ACOX1: variants seen among roughly 807,000 people sequenced by gnomAD.
ACOX1 encodes acyl-CoA oxidase 1.
In ACOX1, 41 loss-of-function variants were observed where a neutral mutation model predicts 75.5. That is an observed-to-expected ratio of 0.54 (90% CI 0.42 to 0.70). The LOEUF is 0.70. Among genes scored for constraint, ACOX1 ranks in the 30% least tolerant of loss-of-function variants. The probability of loss-of-function intolerance (pLI) is 0.00; values close to 1 mark genes in which losing one functional copy is unlikely to be tolerated. For missense variants in ACOX1, 630 were observed against 837.5 expected (o/e 0.75, Z 3.06); for synonymous variants, 303 against 298.8 (o/e 1.01, Z -0.15).
At chr17:75,972,368 G>A (rs1000431896) in intron 2 of ACOX1, among the ~76,000 whole-genome samples, 2 of 149,740 alleles carry the variant, frequency 1.3e-5, no homozygotes, top group African/African-American at 4.9e-5. Context: ...AGCCAGGCGC[G>A]GTGGCTCACG....
chr17:75,951,808 CTTTTTTTTTT>C (rs1029666749), intron 7 of ACOX1, among the ~76,000 whole-genome samples: 1 of 77,430 alleles, frequency 1.3e-5, no homozygotes, highest in African/African-American at 5.6e-5. Context: ...TAAATTGAGG[CTTTTTTTTTT>C]TTTTTTTTTT....
chr17:75,947,539 T>C (rs1260437233), intron 13 of ACOX1, among the ~76,000 whole-genome samples: 2 of 152,090 alleles, frequency 1.3e-5, no homozygotes, highest in Non-Finnish European at 2.9e-5. Context: ...CCCTGATGTC[T>C]TAGATTTATT....
intron 13 of ACOX1, 112 bp from the exon 14 acceptor site, chr17:75,946,907 T>C (rs978718185): frequency 4.1e-6 from 4 of 980,396 alleles, no homozygotes; most frequent in Non-Finnish European, 3.1e-6. Context: ...CCTGCTCTGT[T>C]GCTCAGGCTG....
Position 75,950,780 on chromosome 17 carries a change from G to T in ACOX1, c.1292C>A (p.Thr431Lys). 1 of 1,613,996 alleles carries T rather than the reference G, an allele frequency of 6.2e-7. No homozygotes were observed. The highest frequency in any genetic ancestry group is 1.6e-4 in the Middle Eastern group (1 of 6,062). Reference protein sequence around the residue: ...EGENTVMMLQTARFLMKSYDQ... With the variant: ...EGENTVMMLQKARFLMKSYDQ... ...TCGAGGATTTGACTCTCACCTAGCC[G>T]TCTGGAGCATCATGACAGTGTTTTC... The change falls in exon 9 of 14, where the codon ACG becomes AAG. Residue 431 changes from threonine to lysine, a missense_variant. By Grantham distance (78) the Thr-to-Lys change is moderately conservative. Transcript: ENST00000293217. The surrounding 1 kb of genome is among the most constrained non-coding windows in gnomAD (Gnocchi z 4.3).
chr17:75,974,203 C>A (rs1206894513), intron 2 of ACOX1, among the ~76,000 whole-genome samples: 1 of 150,506 alleles, frequency 6.6e-6, no homozygotes, highest in Non-Finnish European at 1.5e-5. Context: ...GCAAAAATAA[C>A]TCCATAGAAC....
rs28395254 is a variant in ACOX1 at position 75,946,987 on chromosome 17, G to A, written c.1936-192C>T. Among the ~76,000 whole-genome samples, 6,228 of 151,718 alleles carry A rather than the reference G, an allele frequency of 0.041. 157 individuals are homozygous for A. Among genetic ancestry groups the A allele is most frequent in the Middle Eastern group, 0.11 (32 of 294 alleles). ...AGACTCCAGCGATCTTCCCACCTTA[G>A]CCTCCCGAGTTGCTAGAACTACAGG... On this transcript the variant is annotated intron_variant, in intron 13 of 13. Coordinates refer to ENST00000293217, the MANE Select transcript of ACOX1 (RefSeq NM_004035.7).
Position 75,945,672 on chromosome 17 carries a change from A to AGATTCCTATTTCTAG in ACOX1, c.*1075_*1076insCTAGAAATAGGAATC, listed in dbSNP as rs1453544604. The AGATTCCTATTTCTAG allele has an allele frequency of 6.5e-6, 1 of 153,800 alleles. No homozygotes were observed. The highest frequency in any genetic ancestry group is 6.5e-5 in the Admixed American group (1 of 15,276). The allele number at this position is 153,800 out of a possible 1,614,324, so 9.5% of individuals were successfully genotyped here. On this transcript the variant is annotated 3_prime_UTR_variant, in exon 14 of 14. Transcript: ENST00000293217. ...CAACTGAAAGGACAATTAGCGATTC[A>AGATTCCTATTTCTAG]GAGAAAGCTCCTAGAAATAGACTGA...
At chr17:75,970,201 A>AAAAAAAAAAAAAAAAAAT (rs2065981019) in intron 2 of ACOX1, among the ~76,000 whole-genome samples, 1 of 149,938 alleles carries the variant, frequency 6.7e-6, no homozygotes, top group Admixed American at 6.6e-5. Context: ...AAAAAAAAAA[A>AAAAAAAAAAAAAAAAAAT]GAGGAAGGAA....
intron 2 of ACOX1, among the ~76,000 whole-genome samples, chr17:75,970,794 G>A (rs945999462): frequency 2.0e-5 from 3 of 152,204 alleles, no homozygotes; most frequent in African/African-American, 7.2e-5. Context: ...TCTCCTGGAC[G>A]TTGACTTTTT....
intron 2 of ACOX1, among the ~76,000 whole-genome samples, chr17:75,968,055 T>C (rs1476107024): frequency 6.6e-6 from 1 of 151,662 alleles, no homozygotes; most frequent in African/African-American, 2.4e-5. Context: ...CCGTATTTTA[T>C]ACATAGAAAA....
intron 2 of ACOX1, among the ~76,000 whole-genome samples, chr17:75,966,818 A>G: frequency 6.6e-6 from 1 of 152,058 alleles, no homozygotes; most frequent in South Asian, 2.1e-4. Flanking sequence ...TTTATAAAGC[A>G]CCAGTGGTCA....
At chr17:75,957,280 C>T (rs1417663973) in intron 4 of ACOX1, 179 bp downstream of exon 4, 27 of 626,052 alleles carry the variant, frequency 4.3e-5, no homozygotes, top group Non-Finnish European at 6.7e-5. Context: ...GGGGTTTCAG[C>T]ATATTAACCA....
intron 5 of ACOX1, 50 bp downstream of exon 5, chr17:75,955,778 G>A: frequency 1.2e-6 from 2 of 1,613,958 alleles, no homozygotes; most frequent in Non-Finnish European, 1.7e-6. Flanking sequence ...TTTTGCAGAA[G>A]AAAGTGCTCA....
intron 13 of ACOX1, 69 bp from the exon 14 acceptor site, chr17:75,946,864 G>GT: frequency 7.2e-7 from 1 of 1,391,228 alleles, no homozygotes; most frequent in Non-Finnish European, 1.0e-6. Flanking sequence ...ACTGTTTTTT[G>GT]TTTTTGTTTT....
chr17:75,978,787 A>T lies in ACOX1; in HGVS notation c.110-94T>A. On this transcript the variant is annotated intron_variant, in intron 1 of 13. Transcript: ENST00000293217. The surrounding 1 kb of genome is among the most constrained non-coding windows in gnomAD (Gnocchi z 4.2). ...CACAATAGGCTTCAGAGTCGCGGAC[A>T]CACCTGGGGAATGGCGATATCCCCC... 6.2e-7 allele frequency: 1 copy of T among 1,608,084 alleles called. No individual in the cohort carries two copies. Among genetic ancestry groups the T allele is most frequent in the South Asian group, 1.1e-5 (1 of 90,666 alleles).
intron 2 of ACOX1, among the ~76,000 whole-genome samples, chr17:75,963,669 G>A (rs1400996512): frequency 6.6e-6 from 1 of 151,104 alleles, no homozygotes; most frequent in African/African-American, 2.4e-5. Context: ...CTGAACTCCA[G>A]CCTGGCAACA....
rs962212988 is a variant in ACOX1 at position 75,969,177 on chromosome 17, A to T, written c.270-8802T>A. Reference sequence around the variant, plus strand: ...GTCTTATTTATTTATTTATTTATTTATTTTTTGAGACGGAGTCTCACTGTT... The same window carrying T: ...GTCTTATTTATTTATTTATTTATTTTTTTTTTGAGACGGAGTCTCACTGTT... On this transcript the variant is annotated intron_variant, in intron 2 of 13. Transcript: ENST00000293217. Among the ~76,000 whole-genome samples the T allele has an allele frequency of 2.0e-5, 3 of 151,990 alleles. 1 individual carries two copies. Among genetic ancestry groups the T allele is most frequent in the Admixed American group, 1.3e-4 (2 of 15,212 alleles).
Position 75,949,758 on chromosome 17 carries a change from G to A in ACOX1, c.1438C>T (p.Pro480Ser). ...VWPTMVDINS[P>S]ESLTEAYKLR... is the part of the protein sequence containing the mutation. ...TTATATGCTTCGGTTAGGCTTTCGGGGCTGTTGATATCCACCATGGTTGGC... is the reference window on the plus strand; with the variant it reads ...TTATATGCTTCGGTTAGGCTTTCGGAGCTGTTGATATCCACCATGGTTGGC... Residue 480 changes from proline (P) to serine (S), a missense_variant, in exon 10 of 14, where the codon CCC becomes TCC. Around this residue, in one of 2 missense-constraint regions of ACOX1, gnomAD observed 240 missense variants for 262.7 expected, o/e 0.91. Coordinates refer to ENST00000293217, the MANE Select transcript of ACOX1 (RefSeq NM_004035.7). The A allele has an allele frequency of 1.9e-6, 3 of 1,614,066 alleles. No individual in the cohort carries two copies. Among genetic ancestry groups the A allele is most frequent in the Non-Finnish European group, 2.5e-6 (3 of 1,180,018 alleles).
At chr17:75,972,576 C>T (rs1332263940) in intron 2 of ACOX1, among the ~76,000 whole-genome samples, 3 of 143,660 alleles carry the variant, frequency 2.1e-5, no homozygotes, top group East Asian at 2.1e-4. Flanking sequence ...AACCCAGAGG[C>T]GGAGGTTGCA....
Sources: allele counts gnomAD v4.1 joint callset (sites outside exome capture counted in the v4.1 genomes callset), GRCh38; gene constraint gnomAD v4.1.1; regional missense constraint gnomAD v4.1.1; non-coding constraint Gnocchi (gnomAD v3.1); transcripts MANE v1.5; gene names NCBI Gene and HGNC (gene_info 2026-07-23, HGNC 2026-07-21).